The following HECW1 variants were observed in gnomAD, a reference collection of about 807,000 sequenced individuals.
The protein encoded by HECW1 is HECT, C2 and WW domain containing E3 ubiquitin protein ligase 1, also known as E3 ubiquitin-protein ligase HECW1.
A neutral mutation model predicts 182.3 loss-of-function variants in HECW1; 61 were observed. The ratio of observed to expected loss-of-function variants is 0.33; its 90% CI spans 0.27 to 0.41. The LOEUF (loss-of-function observed/expected upper bound fraction) is 0.41, where lower values mean the gene tolerates loss of function less well. HECW1 is among the 10% of genes least tolerant of loss of function. The pLI, the probability that HECW1 is intolerant of heterozygous loss-of-function variation, is 1.00. For synonymous variants in HECW1, 859 were observed against 832.6 expected (o/e 1.03, Z -0.55); for missense variants, 1,739 against 2,108.9 (o/e 0.82, Z 3.44).
chr7:43,466,083 GAGA>G (rs1272438957), intron 14 of HECW1, among the ~76,000 whole-genome samples: 2 of 137,422 alleles, frequency 1.5e-5, no homozygotes, highest in Non-Finnish European at 3.1e-5. Flanking sequence ...AGGAAGGAGA[GAGA>G]AGAAAGAGAA....
At chr7:43,484,265 A>G (rs1054680292) in intron 17 of HECW1, 1 of 152,274 alleles carries the variant, frequency 6.6e-6, no homozygotes, top group Non-Finnish European at 1.5e-5. Context: ...CCCATTAACT[A>G]CATAGAGCTA....
At chr7:43,287,294 G>T (rs571062288) in intron 3 of HECW1, among the ~76,000 whole-genome samples, 2 of 152,054 alleles carry the variant, frequency 1.3e-5, no homozygotes, top group African/African-American at 4.8e-5. Flanking sequence ...GATGAAGGGA[G>T]AGCCAGAGGC....
intron 5 of HECW1, among the ~76,000 whole-genome samples, chr7:43,345,863 T>TATAC (rs1271300545): frequency 6.6e-6 from 1 of 151,392 alleles, no homozygotes; most frequent in African/African-American, 2.4e-5. Flanking sequence ...TATATATATA[T>TATAC]ACACACACAC....
chr7:43,235,347 A>G (rs1257165729), intron 2 of HECW1, among the ~76,000 whole-genome samples: 1 of 152,242 alleles, frequency 6.6e-6, no homozygotes, highest in Non-Finnish European at 1.5e-5. Context: ...AGACCAGGAA[A>G]AGTGTTTAAA....
rs529554195 is a variant in HECW1 at position 43,120,805 on chromosome 7, G to A, written c.-32+6414G>A. On this transcript the variant is annotated intron_variant, in intron 2 of 29. Transcript: ENST00000395891. ...ACTACAGGTGCACACCACCACACCC[G>A]GCTGATTTTTGTATTTTGTGCAGAG... Among the ~76,000 whole-genome samples the A allele has an allele frequency of 8.6e-5, 13 of 152,016 alleles. No individual in the cohort carries two copies. The East Asian group carries it at 9.7e-4, about 11-fold the overall frequency.
chr7:43,247,226 C>T (rs1471345678), intron 3 of HECW1, among the ~76,000 whole-genome samples: 1 of 152,100 alleles, frequency 6.6e-6, no homozygotes, highest in Non-Finnish European at 1.5e-5. Context: ...GAAGGGAGGA[C>T]AATGGAAGAA....
intron 2 of HECW1, among the ~76,000 whole-genome samples, chr7:43,122,596 A>G (rs1277899757): frequency 1.3e-5 from 2 of 152,226 alleles, no homozygotes; most frequent in Non-Finnish European, 2.9e-5. Context: ...TTGTCGCAAT[A>G]AAGTAAAATT....
At chr7:43,181,736 T>A (rs1792879017) in intron 2 of HECW1, among the ~76,000 whole-genome samples, 1 of 150,970 alleles carries the variant, frequency 6.6e-6, no homozygotes, top group African/African-American at 2.5e-5. Flanking sequence ...GGATATTAAC[T>A]CTTTGTCAGA....
chr7:43,336,144 T>TTCTCTCTCTCTCTCTCTCTC lies in HECW1; in HGVS notation c.460+15438_460+15457dup, dbSNP rs768468130. 3.1e-3 allele frequency among the ~76,000 whole-genome samples: 163 copies of TTCTCTCTCTCTCTCTCTCTC among 51,988 alleles called. 2 individuals are homozygous for TTCTCTCTCTCTCTCTCTCTC. Among genetic ancestry groups the TTCTCTCTCTCTCTCTCTCTC allele is most frequent in the Non-Finnish European group, 4.8e-3 (130 of 27,206 alleles). The allele number at this position is 51,988 out of a possible 152,430, so 34.1% of individuals were successfully genotyped here. ...TTTCTTTCTCTCTCTCTCTCTCTCT[T>TTCTCTCTCTCTCTCTCTCTC]TCTCTCTCTCTCTCTCTCTCTCTCT... On this transcript the variant is annotated intron_variant, in intron 5 of 29. Coordinates refer to ENST00000395891, the MANE Select transcript of HECW1 (RefSeq NM_015052.5).
intron 5 of HECW1, among the ~76,000 whole-genome samples, chr7:43,325,443 G>T (rs972453484): frequency 4.6e-5 from 7 of 152,134 alleles, no homozygotes; most frequent in Admixed American, 4.6e-4. Context: ...CCAGAACACT[G>T]AGATGAGGTG....
chr7:43,488,420 GAGAAAGAAAGAAAGAGAAAGAAAGAA>G (rs1340957773), intron 17 of HECW1, among the ~76,000 whole-genome samples: 98 of 63,414 alleles, frequency 1.5e-3, no homozygotes, highest in African/African-American at 4.6e-3. Flanking sequence ...AAGAGAGAGA[GAGAAAGAAAGAAAGAGAAAGAAAGAA>G]AGAAAGAAAG....
At chr7:43,480,931 A>T (rs1215348768) in intron 17 of HECW1, among the ~76,000 whole-genome samples, 1 of 152,118 alleles carries the variant, frequency 6.6e-6, no homozygotes, top group Admixed American at 6.5e-5. Context: ...TCCTGTGTAT[A>T]CTCTGAGAAA....
intron 4 of HECW1, among the ~76,000 whole-genome samples, chr7:43,314,835 C>T (rs1808982860): frequency 6.6e-6 from 1 of 152,144 alleles, no homozygotes. Context: ...CGTGCTTTGC[C>T]AGAGATCAAA....
intron 19 of HECW1, among the ~76,000 whole-genome samples, chr7:43,497,007 T>C (rs1434088016): frequency 1.3e-5 from 2 of 152,078 alleles, no homozygotes; most frequent in East Asian, 1.9e-4. Flanking sequence ...TAGACAAGCT[T>C]GGGGTTTGTT....
intron 3 of HECW1, among the ~76,000 whole-genome samples, chr7:43,255,117 AG>A (rs1440761612): frequency 1.3e-5 from 2 of 152,236 alleles, no homozygotes; most frequent in Non-Finnish European, 2.9e-5. Context: ...TTTAAGAATT[AG>A]GGCATCAAAA....
Position 43,501,200 on chromosome 7 carries a change from T to TTTTTTTA in HECW1, c.3522-10_3522-9insTTTATTT. On this transcript the variant is annotated splice_polypyrimidine_tract_variant and intron_variant, in intron 20 of 29. Transcript: ENST00000395891. ...TTTTCTTTCTTTTTTTTTTTTTTTT[T>TTTTTTTA]TTTCATATGCAGTCTCTTTGAAGAA... 1 of 1,250,486 alleles carries TTTTTTTA rather than the reference T, an allele frequency of 8.0e-7. No homozygotes were observed. Among genetic ancestry groups the TTTTTTTA allele is most frequent in the Non-Finnish European group, 1.1e-6 (1 of 890,648 alleles). 77.5% of individuals were successfully genotyped at this position (1,250,486 alleles called of 1,614,324 possible). A position where few individuals can be genotyped will look rare whatever the true frequency, so the allele number is the denominator to read the frequency against.
intron 3 of HECW1, among the ~76,000 whole-genome samples, chr7:43,264,707 G>A (rs1801572017): frequency 2.0e-5 from 3 of 152,028 alleles, no homozygotes; most frequent in Non-Finnish European, 2.9e-5. Flanking sequence ...AGCCAGGTGT[G>A]GTGGCGGGCA....
intron 7 of HECW1, among the ~76,000 whole-genome samples, chr7:43,406,798 A>G (rs944687835): frequency 1.3e-5 from 2 of 152,130 alleles, no homozygotes; most frequent in African/African-American, 4.8e-5. Context: ...GGCACTTGTA[A>G]TCCCAGCTAC....
intron 2 of HECW1, among the ~76,000 whole-genome samples, chr7:43,227,817 C>T (rs1391195000): frequency 1.3e-5 from 2 of 152,130 alleles, no homozygotes; most frequent in Admixed American, 1.3e-4. Context: ...ACAGAAAAAG[C>T]AATACATCCA....
Sources: allele counts gnomAD v4.1 joint callset (sites outside exome capture counted in the v4.1 genomes callset), GRCh38; gene constraint gnomAD v4.1.1; transcripts MANE v1.5; gene names NCBI Gene and HGNC (gene_info 2026-07-23, HGNC 2026-07-21).